The following DGKB variants were observed in gnomAD, a reference collection of about 807,000 sequenced individuals.
The protein encoded by DGKB is 90 kDa diacylglycerol kinase.
Under a neutral mutation model 114.3 loss-of-function variants are expected in DGKB, and 67 were observed. The ratio of observed to expected loss-of-function variants is 0.59; its 90% CI spans 0.48 to 0.72. The LOEUF (loss-of-function observed/expected upper bound fraction) is 0.72. Ranked by LOEUF, DGKB falls within the 30% of genes least tolerant of loss-of-function variation. DGKB has a pLI of 0.00. For missense variants in DGKB, 907 were observed against 975.2 expected (o/e 0.93, Z 0.93); for synonymous variants, 398 against 323.1 (o/e 1.23, Z -2.49).
At chr7:14,865,739 G>C (rs1481984730) in intron 1 of DGKB, among the ~76,000 whole-genome samples, 1 of 152,092 alleles carries the variant, frequency 6.6e-6, no homozygotes, top group African/African-American at 2.4e-5. Flanking sequence ...TTAAAGATTT[G>C]GGAGTCATCA....
chr7:14,856,678 A>T (rs1022189915), intron 1 of DGKB, among the ~76,000 whole-genome samples: 10 of 151,312 alleles, frequency 6.6e-5, no homozygotes, highest in South Asian at 4.2e-4. Flanking sequence ...TATATATATA[A>T]AATTTATTCA....
In DGKB at chr7:14,707,231, T is replaced by C. The variant is rs1293321874; in HGVS notation, c.467-5501A>G. ...AGAAAATCTAGAAGAAATGGATAAA[T>C]TCCTCGACACATACACTCTCCCAAG... On this transcript the variant is annotated intron_variant, in intron 6 of 25. Transcript: ENST00000402815. 6.3e-5 allele frequency among the ~76,000 whole-genome samples: 9 copies of C among 142,664 alleles called. No individual in the cohort carries two copies. In the South Asian group the frequency reaches 1.0e-3, roughly 16 times the overall value. The allele number at this position is 142,664 out of a possible 152,430, so 93.6% of individuals were successfully genotyped here.
intron 20 of DGKB, among the ~76,000 whole-genome samples, chr7:14,562,433 A>G (rs1489116517): frequency 2.0e-5 from 3 of 152,172 alleles, no homozygotes; most frequent in Non-Finnish European, 4.4e-5. Context: ...AGAATGGCAG[A>G]TCCACTGGCA....
chr7:14,862,159 T>C (rs949008931), intron 1 of DGKB, among the ~76,000 whole-genome samples: 7 of 151,988 alleles, frequency 4.6e-5, no homozygotes, highest in African/African-American at 1.4e-4. Flanking sequence ...CGAGGTAAAA[T>C]TGACAAATAA....
chr7:14,378,610 G>A (rs528464458), intron 21 of DGKB, among the ~76,000 whole-genome samples: 10 of 152,202 alleles, frequency 6.6e-5, no homozygotes, highest in Admixed American at 3.3e-4. Context: ...GATAGAAAAT[G>A]ATCCAACACC....
Position 14,675,667 on chromosome 7 carries a change from C to T in DGKB, c.1036-2640G>A, listed in dbSNP as rs556291512. On this transcript the variant is annotated intron_variant, in intron 12 of 25. Transcript: ENST00000402815. ...GCTGTGGTCCTGAGTTTTGTCTAGG[C>T]GGTCGTAAGGCACTCCCCAAGACAT... 1.3e-4 allele frequency among the ~76,000 whole-genome samples: 19 copies of T among 151,566 alleles called. No individual in the cohort carries two copies. The South Asian group carries it at 2.9e-3, about 23-fold the overall frequency.
chr7:14,890,987 A>T (rs906312566), intron 1 of DGKB, among the ~76,000 whole-genome samples: 1 of 151,602 alleles, frequency 6.6e-6, no homozygotes, highest in African/African-American at 2.4e-5. Context: ...ATAGAATAAC[A>T]TTATTGAGTA....
intron 23 of DGKB, among the ~76,000 whole-genome samples, chr7:14,248,862 T>A (rs551218558): frequency 3.9e-5 from 6 of 152,140 alleles, no homozygotes; most frequent in Non-Finnish European, 7.4e-5. Context: ...TGATTAGGAG[T>A]TCCTATATGT....
At chr7:14,821,702 C>T (rs1844958022) in intron 2 of DGKB, among the ~76,000 whole-genome samples, 1 of 152,076 alleles carries the variant, frequency 6.6e-6, no homozygotes, top group Non-Finnish European at 1.5e-5. Context: ...GCTTTATGTA[C>T]ATCAGGACAT....
intron 23 of DGKB, among the ~76,000 whole-genome samples, chr7:14,239,124 T>C (rs1793264004): frequency 6.6e-6 from 1 of 152,036 alleles, no homozygotes; most frequent in South Asian, 2.1e-4. Flanking sequence ...TGTCTATTAT[T>C]CATCTACAGG....
intron 21 of DGKB, among the ~76,000 whole-genome samples, chr7:14,362,850 T>A (rs949676597): frequency 5.3e-5 from 8 of 152,130 alleles, no homozygotes; most frequent in Admixed American, 5.2e-4. Flanking sequence ...GTAAGCTTCC[T>A]TCTATGCAGT....
chr7:14,438,627 ACATTTATGAGTGGC>A (rs1467937455), intron 21 of DGKB, among the ~76,000 whole-genome samples: 1 of 152,142 alleles, frequency 6.6e-6, no homozygotes, highest in African/African-American at 2.4e-5. Context: ...TCAATGAACT[ACATTTATGAGTGGC>A]CAGGAACTAT....
At chr7:14,405,435 G>C (rs1823786038) in intron 21 of DGKB, among the ~76,000 whole-genome samples, 1 of 152,002 alleles carries the variant, frequency 6.6e-6, no homozygotes, top group Admixed American at 6.6e-5. Context: ...GTTAAATTTG[G>C]ATAATAATAG....
chr7:14,472,006 C>T (rs1048612232), intron 21 of DGKB, among the ~76,000 whole-genome samples: 14 of 152,090 alleles, frequency 9.2e-5, no homozygotes, highest in South Asian at 2.1e-4. Flanking sequence ...AAATAAGCTG[C>T]GTGGATTTAA....
chr7:14,549,984 T>TAA (rs1048935830), intron 20 of DGKB, among the ~76,000 whole-genome samples: 11 of 139,432 alleles, frequency 7.9e-5, no homozygotes, highest in Non-Finnish European at 1.6e-4. Flanking sequence ...CTAGACTGTC[T>TAA]AAAAAAAAAA....
intron 1 of DGKB, among the ~76,000 whole-genome samples, chr7:14,961,701 A>G (rs1786852827): frequency 6.6e-6 from 1 of 152,110 alleles, no homozygotes; most frequent in African/African-American, 2.4e-5. Flanking sequence ...CCTAACCATC[A>G]ATGTTTCTTT....
intron 21 of DGKB, among the ~76,000 whole-genome samples, chr7:14,406,771 T>C (rs1020217444): frequency 3.9e-5 from 6 of 152,102 alleles, no homozygotes; most frequent in African/African-American, 1.4e-4. Flanking sequence ...ATATGAGATA[T>C]GACCATATTG....
At chr7:14,933,320 T>C (rs998948945) in intron 1 of DGKB, among the ~76,000 whole-genome samples, 1 of 152,180 alleles carries the variant, frequency 6.6e-6, no homozygotes, top group African/African-American at 2.4e-5. Context: ...ACATGTCCTA[T>C]TCCTTCTCTG....
At chr7:14,952,650 G>T (rs541093593) in intron 1 of DGKB, among the ~76,000 whole-genome samples, 57 of 151,988 alleles carry the variant, frequency 3.8e-4, no homozygotes, top group Non-Finnish European at 6.5e-4. Context: ...CAGCTACTCA[G>T]GAGGCTGAGA....
Sources: allele counts gnomAD v4.1 joint callset (sites outside exome capture counted in the v4.1 genomes callset), GRCh38; gene constraint gnomAD v4.1.1; transcripts MANE v1.5; gene names NCBI Gene and HGNC (gene_info 2026-07-23, HGNC 2026-07-21).